The following KCTD8 variants were observed in gnomAD, a reference collection of about 807,000 sequenced individuals.
KCTD8 encodes potassium channel tetramerization domain containing 8.
KCTD8 carries 27 observed loss-of-function variants against 31.5 expected under a neutral mutation model. That is an observed-to-expected ratio of 0.86 (90% CI 0.63 to 1.18). The LOEUF (loss-of-function observed/expected upper bound fraction) is 1.18, where lower values mean the gene tolerates loss of function less well. Ranked by LOEUF, KCTD8 falls within the 50% of genes most tolerant of loss-of-function variation. The pLI is 0.00. For synonymous variants in KCTD8, 290 were observed against 280.0 expected, an observed-to-expected ratio of 1.04 and a Z score of -0.36; for missense variants, 658 against 647.7, an observed-to-expected ratio of 1.02 and a Z score of -0.17.
chr4:44,234,147 G>A (rs186845738), intron 1 of KCTD8, among the ~76,000 whole-genome samples: 2 of 152,176 alleles, frequency 1.3e-5, no homozygotes, highest in African/African-American at 2.4e-5. Flanking sequence ...TCTTACCAAC[G>A]TCTACATTTT....
At chr4:44,387,155 T>G (rs1447749953) in intron 1 of KCTD8, among the ~76,000 whole-genome samples, 1 of 151,580 alleles carries the variant, frequency 6.6e-6, no homozygotes, top group Non-Finnish European at 1.5e-5. Flanking sequence ...TACCTAGAAC[T>G]ACACTAACTA....
intron 1 of KCTD8, among the ~76,000 whole-genome samples, chr4:44,206,459 C>A (rs1349661227): frequency 6.6e-6 from 1 of 152,076 alleles, no homozygotes; most frequent in South Asian, 2.1e-4. Flanking sequence ...CAAGATGAAG[C>A]TTTTGCTCAT....
chr4:44,302,199 G>T (rs563568278), intron 1 of KCTD8, among the ~76,000 whole-genome samples: 1 of 152,038 alleles, frequency 6.6e-6, no homozygotes, highest in Non-Finnish European at 1.5e-5. Context: ...TTGGGATTGC[G>T]GGCTCTTTTT....
chr4:44,338,058 T>C (rs1210580471), intron 1 of KCTD8, among the ~76,000 whole-genome samples: 1 of 152,068 alleles, frequency 6.6e-6, no homozygotes, highest in African/African-American at 2.4e-5. Context: ...AAAATACATT[T>C]AAATCAGCAT....
At position 44,447,759 on chromosome 4, in the gene KCTD8, G is replaced by A; in HGVS notation, c.765C>T (p.Ser255=). 3 of 1,611,654 alleles carry A rather than the reference G, an allele frequency of 1.9e-6. No homozygotes were observed. Among genetic ancestry groups the A allele is most frequent in the Non-Finnish European group, 1.7e-6 (2 of 1,178,974 alleles). The change falls in exon 1 of 2, where the codon AGC becomes AGT. Residue 255 remains serine, a synonymous_variant. Coordinates refer to ENST00000360029, the MANE Select transcript of KCTD8 (RefSeq NM_198353.3). ...TCTCCGGCTGCCGGTCGGGGTCGCG[G>A]CTCTCGTTGAGCGTGTCCCCGAAGA... ...KEVFGDTLNE[S]RDPDRQPEKY...
intron 1 of KCTD8, among the ~76,000 whole-genome samples, chr4:44,272,749 CAAT>C (rs1231799371): frequency 2.6e-5 from 4 of 152,016 alleles, no homozygotes; most frequent in African/African-American, 9.7e-5. Flanking sequence ...CCTAGGGAGA[CAAT>C]GATGAGTGAG....
intron 1 of KCTD8, among the ~76,000 whole-genome samples, chr4:44,362,638 T>C (rs1719528441): frequency 6.6e-6 from 1 of 152,000 alleles, no homozygotes. Flanking sequence ...CCAGGGGTAA[T>C]TGTGGTAGGA....
chr4:44,177,568 A>G (rs1577810875), intron 1 of KCTD8, among the ~76,000 whole-genome samples: 2 of 152,282 alleles, frequency 1.3e-5, no homozygotes, highest in East Asian at 3.9e-4. Context: ...TGTTCTCGCT[A>G]TAGTGAATAA....
intron 1 of KCTD8, among the ~76,000 whole-genome samples, chr4:44,247,578 T>C (rs1715702773): frequency 6.6e-6 from 1 of 151,920 alleles, no homozygotes; most frequent in African/African-American, 2.4e-5. Context: ...TTTATTTATT[T>C]TGTATAACTG....
intron 1 of KCTD8, among the ~76,000 whole-genome samples, chr4:44,323,027 C>T (rs941916124): frequency 6.6e-6 from 1 of 151,978 alleles, no homozygotes; most frequent in Non-Finnish European, 1.5e-5. Flanking sequence ...TTGATACCTC[C>T]AGCTTCGTTC....
chr4:44,336,305 C>T (rs1718743307), intron 1 of KCTD8, among the ~76,000 whole-genome samples: 1 of 151,442 alleles, frequency 6.6e-6, no homozygotes, highest in Non-Finnish European at 1.5e-5. Flanking sequence ...ATGTTAGAAT[C>T]TCTAAAGAAT....
rs551379425 is a variant in KCTD8, at chr4:44,308,838, C to T, written c.962-133588G>A. On this transcript the variant is annotated intron_variant, in intron 1 of 1. Coordinates refer to ENST00000360029, the MANE Select transcript of KCTD8 (RefSeq NM_198353.3). ...CACATATTGAATCACTGCCATATAT[C>T]TTTTACAGTATAGTTATAAATTATA... Among the ~76,000 whole-genome samples the T allele has an allele frequency of 5.9e-5, 9 of 152,056 alleles. No homozygotes were observed. The South Asian group carries it at 1.9e-3, about 32-fold the overall frequency.
chr4:44,373,631 T>C (rs940492475), intron 1 of KCTD8, among the ~76,000 whole-genome samples: 3 of 152,192 alleles, frequency 2.0e-5, no homozygotes, highest in African/African-American at 7.2e-5. Context: ...TAATTATTTT[T>C]AATCATCAGT....
chr4:44,267,026 G>A (rs1401999647), intron 1 of KCTD8, among the ~76,000 whole-genome samples: 1 of 152,090 alleles, frequency 6.6e-6, no homozygotes, highest in East Asian at 1.9e-4. Context: ...ATTGAACTCA[G>A]CTCTGCACCA....
chr4:44,332,139 G>A (rs948171884), intron 1 of KCTD8, among the ~76,000 whole-genome samples: 4 of 151,764 alleles, frequency 2.6e-5, no homozygotes, highest in Non-Finnish European at 4.4e-5. Flanking sequence ...TTCACTGATC[G>A]TTCAATTATT....
chr4:44,218,279 A>G (rs1043513090), intron 1 of KCTD8, among the ~76,000 whole-genome samples: 9 of 151,470 alleles, frequency 5.9e-5, no homozygotes, highest in African/African-American at 1.9e-4. Context: ...GATTATAAGC[A>G]TGCACCACCA....
chr4:44,392,971 C>G (rs56258400), intron 1 of KCTD8, among the ~76,000 whole-genome samples: 2 of 151,888 alleles, frequency 1.3e-5, no homozygotes, highest in African/African-American at 4.8e-5. Flanking sequence ...CAAAGAAGTA[C>G]TTTCTTCCCA....
At chr4:44,226,247 C>G (rs1360694694) in intron 1 of KCTD8, among the ~76,000 whole-genome samples, 3 of 152,008 alleles carry the variant, frequency 2.0e-5, no homozygotes, top group Non-Finnish European at 4.4e-5. Context: ...TGTGTCCATG[C>G]ATTCTCATTG....
chr4:44,391,933 G>A (rs1402199516), intron 1 of KCTD8, among the ~76,000 whole-genome samples: 1 of 151,906 alleles, frequency 6.6e-6, no homozygotes, highest in Admixed American at 6.6e-5. Flanking sequence ...TTAAATTTGA[G>A]CATAAGTTAA....
Sources: gnomAD v4.1 joint callset for allele counts (sites outside exome capture counted in the v4.1 genomes callset) on GRCh38, gnomAD v4.1.1 for gene constraint, MANE v1.5 for transcripts, NCBI Gene and HGNC (gene_info 2026-07-23, HGNC 2026-07-21) for gene names.